Variants in KPNA4 observed in about 807,000 individuals in gnomAD.
The protein encoded by KPNA4 is karyopherin subunit alpha 4.
In KPNA4, 13 loss-of-function variants were observed where a neutral mutation model predicts 71.3. That is an observed-to-expected ratio of 0.18 (90% CI 0.12 to 0.29). The LOEUF is 0.29. Among genes scored for constraint, KPNA4 ranks in the 10% least tolerant of loss-of-function variants. The probability of loss-of-function intolerance (pLI) is 1.00; values close to 1 mark genes in which losing one functional copy is unlikely to be tolerated. For missense variants in KPNA4, 334 were observed against 603.2 expected, an observed-to-expected ratio of 0.55 and a Z score of 4.67; for synonymous variants, 189 against 195.2, an observed-to-expected ratio of 0.97 and a Z score of 0.26.
chr3:160,531,704 T>C lies in KPNA4; in HGVS notation c.288-147A>G, dbSNP rs562164280. ...AATTAACAATTTATATAATGCAACC[T>C]TTTCTCTAAATTTATAAAAAGATAT... is the stretch of plus-strand genomic sequence containing the variant. On this transcript the variant is annotated intron_variant, in intron 5 of 16. Transcript: ENST00000334256. 9.8e-5 allele frequency: 42 copies of C among 427,316 alleles called. 3 individuals are homozygous for C. In the South Asian group the frequency reaches 3.5e-3, roughly 35 times the overall value. The allele number at this position is 427,316 out of a possible 1,614,324, so 26.5% of individuals were successfully genotyped here.
chr3:160,556,327 T>C (rs1392196937), intron 1 of KPNA4, among the ~76,000 whole-genome samples: 2 of 151,744 alleles, frequency 1.3e-5, no homozygotes, highest in African/African-American at 2.4e-5. Context: ...CCATTTTACA[T>C]TCCCATCAGG....
chr3:160,565,365 C>G lies in KPNA4; in HGVS notation c.-83G>C. 2 of 1,178,432 alleles carry G rather than the reference C, an allele frequency of 1.7e-6. No individual in the cohort carries two copies. The highest frequency in any genetic ancestry group is 2.7e-5 in the South Asian group (2 of 74,900). The allele number at this position is 1,178,432 out of a possible 1,614,324, so 73.0% of individuals were successfully genotyped here. A position where few individuals can be genotyped will look rare whatever the true frequency, so the allele number is the denominator to read the frequency against. On this transcript the variant is annotated 5_prime_UTR_variant, in exon 1 of 17. Transcript: ENST00000334256. ...GCGCCGCACCGACACTCCCAGGAAC[C>G]GGGCCGCCGCCTGAGCTGCTGTGCC...
Position 160,536,835 on chromosome 3 carries a change from C to A in KPNA4, c.75G>T (p.Met25Ile). Residue 25 changes from methionine (M) to isoleucine (I), a missense_variant, in exon 2 of 17, where the codon ATG becomes ATT. By Grantham distance (10) the Met-to-Ile change is conservative (BLOSUM62 1). Coordinates refer to ENST00000334256, the MANE Select transcript of KPNA4 (RefSeq NM_002268.5). ...FKNKGRDLET[M>I]RRQRNEVVVE... is the part of the protein sequence containing the mutation. ...CTACAACTTCATTTCGTTGTCTTCT[C>A]ATAGTCTACAAAAAAATTAAAGGAA... The A allele has an allele frequency of 6.4e-7, 1 of 1,567,298 alleles. No homozygotes were observed. Among genetic ancestry groups the A allele is most frequent in the South Asian group, 1.1e-5 (1 of 87,954 alleles).
At chr3:160,509,347 T>C (rs1421657223) in intron 14 of KPNA4, among the ~76,000 whole-genome samples, 1 of 152,194 alleles carries the variant, frequency 6.6e-6, no homozygotes, top group Admixed American at 6.5e-5. Flanking sequence ...GAATGTGTGA[T>C]GCAGTTTCTT....
intron 1 of KPNA4, among the ~76,000 whole-genome samples, chr3:160,541,963 G>A (rs1721807829): frequency 6.6e-6 from 1 of 152,124 alleles, no homozygotes; most frequent in African/African-American, 2.4e-5. Flanking sequence ...TTAATAACAT[G>A]CACACAACGC....
At chr3:160,547,830 T>C (rs1721954578) in intron 1 of KPNA4, among the ~76,000 whole-genome samples, 2 of 152,304 alleles carry the variant, frequency 1.3e-5, no homozygotes, top group South Asian at 2.1e-4. Context: ...GTCTTTCAGA[T>C]TGTCTTGTTT....
intron 5 of KPNA4, among the ~76,000 whole-genome samples, chr3:160,531,919 A>C (rs1721582399): frequency 6.6e-6 from 1 of 152,012 alleles, no homozygotes; most frequent in Non-Finnish European, 1.5e-5. Flanking sequence ...CAGTCTCCTG[A>C]GTAGCTGGGA....
Position 160,498,817 on chromosome 3 carries a change from C to T in KPNA4, c.*3287G>A, listed in dbSNP as rs1720819134. On this transcript the variant is annotated 3_prime_UTR_variant, in exon 17 of 17. Coordinates refer to ENST00000334256, the MANE Select transcript of KPNA4 (RefSeq NM_002268.5). ...GCAGAAAACCTAACTACACTCTTGA[C>T]CTACAGAAATTGTGAAATAATGTAT... 6.6e-6 allele frequency: 1 copy of T among 152,158 alleles called. No individual in the cohort carries two copies. The highest frequency in any genetic ancestry group is 6.5e-5 in the Admixed American group (1 of 15,278). 9.4% of individuals were successfully genotyped at this position (152,158 alleles called of 1,614,324 possible).
At chr3:160,552,031 C>T (rs1722051399) in intron 1 of KPNA4, among the ~76,000 whole-genome samples, 1 of 151,608 alleles carries the variant, frequency 6.6e-6, no homozygotes, top group Admixed American at 6.6e-5. Flanking sequence ...ACTCCCCCAT[C>T]CCCCAACAAA....
At chr3:160,503,928 TA>T (rs1290334605) in intron 16 of KPNA4, among the ~76,000 whole-genome samples, 1 of 152,028 alleles carries the variant, frequency 6.6e-6, no homozygotes, top group Non-Finnish European at 1.5e-5. Context: ...ACAAAAGACT[TA>T]AAAAGTTATC....
chr3:160,521,146 G>A (rs1448088574), intron 11 of KPNA4, among the ~76,000 whole-genome samples: 1 of 152,100 alleles, frequency 6.6e-6, no homozygotes, highest in African/African-American at 2.4e-5. Flanking sequence ...CTTGCCAGGT[G>A]AGTAAATAAG....
rs187875244 is a variant in KPNA4 at position 160,495,187 on chromosome 3, C to T, written c.*6917G>A. ...ACAGATACTATAGACTGAAAAATAA[C>T]CATAAATGTAAAACACATACTGAAA... On this transcript the variant is annotated 3_prime_UTR_variant, in exon 17 of 17. Transcript: ENST00000334256. 1.3e-5 allele frequency: 2 copies of T among 152,202 alleles called. No individual in the cohort carries two copies. The highest frequency in any genetic ancestry group is 4.8e-5 in the African/African-American group (2 of 41,524). The allele number at this position is 152,202 out of a possible 1,614,324, so 9.4% of individuals were successfully genotyped here.
At chr3:160,537,428 C>T (rs1721712004) in intron 1 of KPNA4, among the ~76,000 whole-genome samples, 1 of 151,266 alleles carries the variant, frequency 6.6e-6, no homozygotes, top group Admixed American at 6.6e-5. Flanking sequence ...TCATGGTCAC[C>T]CAATTTTCTA....
Position 160,528,186 on chromosome 3 carries a change from T to G in KPNA4, c.470-147A>C, listed in dbSNP as rs115011338. Reference sequence around the variant, plus strand: ...CCTCATTAAATGAATTTTATTGGAATAGCATCATTGGAAGAATTTTGACCA... The same window carrying G: ...CCTCATTAAATGAATTTTATTGGAAGAGCATCATTGGAAGAATTTTGACCA... On this transcript the variant is annotated intron_variant, in intron 7 of 16. Coordinates refer to ENST00000334256, the MANE Select transcript of KPNA4 (RefSeq NM_002268.5). 875 of 526,988 alleles carry G rather than the reference T, an allele frequency of 1.7e-3. 9 individuals are homozygous for G. The highest frequency in any genetic ancestry group is 0.015 in the African/African-American group (802 of 52,234). 32.6% of individuals were successfully genotyped at this position (526,988 alleles called of 1,614,324 possible).
intron 3 of KPNA4, 57 bp downstream of exon 3, chr3:160,535,751 T>C (rs1721676476): frequency 3.2e-6 from 5 of 1,564,886 alleles, no homozygotes; most frequent in South Asian, 1.2e-5. Context: ...CTCTTATTAA[T>C]GTGAAATCTT....
In KPNA4 at chr3:160,501,581, A is replaced by C. The variant is rs1226321070; in HGVS notation, c.*523T>G. The C allele has an allele frequency of 6.6e-6, 1 of 152,654 alleles. No individual in the cohort carries two copies. Among genetic ancestry groups the C allele is most frequent in the Non-Finnish European group, 1.5e-5 (1 of 68,050 alleles). The allele number at this position is 152,654 out of a possible 1,614,324, so 9.5% of individuals were successfully genotyped here. ...CTGCTTCATGAGTGAAGAGCCCTAG[A>C]TTTCAAAGATGAACCTGGCTCTCCA... On this transcript the variant is annotated 3_prime_UTR_variant, in exon 17 of 17. Coordinates refer to ENST00000334256, the MANE Select transcript of KPNA4 (RefSeq NM_002268.5).
chr3:160,539,384 T>C (rs901065469), intron 1 of KPNA4, among the ~76,000 whole-genome samples: 7 of 152,216 alleles, frequency 4.6e-5, no homozygotes, highest in Non-Finnish European at 7.3e-5. Context: ...TATAGCCTTA[T>C]GAGGTAAGAA....
chr3:160,497,335 C>G lies in KPNA4; in HGVS notation c.*4769G>C, dbSNP rs1485767643. ...GAGGCTGAGGCAGAATTGCTTGAAC[C>G]CTTGAGGCAGAGGTTGCAGTGAGCC... On this transcript the variant is annotated 3_prime_UTR_variant, in exon 17 of 17. Coordinates refer to ENST00000334256, the MANE Select transcript of KPNA4 (RefSeq NM_002268.5). 6.6e-6 allele frequency: 1 copy of G among 152,128 alleles called. No homozygotes were observed. Among genetic ancestry groups the G allele is most frequent in the Non-Finnish European group, 1.5e-5 (1 of 68,068 alleles). 9.4% of individuals were successfully genotyped at this position (152,128 alleles called of 1,614,324 possible).
At chr3:160,512,203 T>A (rs2108544986) in intron 13 of KPNA4, among the ~76,000 whole-genome samples, 1 of 152,220 alleles carries the variant, frequency 6.6e-6, no homozygotes, top group East Asian at 1.9e-4. Context: ...AATAGTTAAT[T>A]CCAGTTCTAG....
Sources: allele counts gnomAD v4.1 joint callset (sites outside exome capture counted in the v4.1 genomes callset), GRCh38; gene constraint gnomAD v4.1.1; transcripts MANE v1.5; gene names NCBI Gene and HGNC (gene_info 2026-07-23, HGNC 2026-07-21).